Variants in TSC22D1 observed in about 807,000 individuals in gnomAD.
TSC22D1 encodes the protein TSC22 domain family member 1.
A neutral mutation model predicts 74.2 loss-of-function variants in TSC22D1; 9 were observed. That is an observed-to-expected ratio of 0.12 (90% CI 0.07 to 0.21). TSC22D1 has a LOEUF of 0.21. Among genes scored for constraint, TSC22D1 ranks in the 10% least tolerant of loss-of-function variants. The probability of loss-of-function intolerance (pLI) is 1.00; values close to 1 mark genes in which losing one functional copy is unlikely to be tolerated. For synonymous variants in TSC22D1, 586 were observed against 492.5 expected, an observed-to-expected ratio of 1.19 and a Z score of -2.51; for missense variants, 1,427 against 1,304.7, an observed-to-expected ratio of 1.09 and a Z score of -1.44.
chr13:44,565,778 G>C (rs1057077690), intron 1 of TSC22D1, among the ~76,000 whole-genome samples: 6 of 152,018 alleles, frequency 3.9e-5, no homozygotes, highest in Non-Finnish European at 8.8e-5. Flanking sequence ...GGTTGGTCTT[G>C]AACTCCTGAG....
intron 1 of TSC22D1, among the ~76,000 whole-genome samples, chr13:44,488,151 T>G (rs1878531823): frequency 1.3e-5 from 2 of 152,322 alleles, no homozygotes; most frequent in African/African-American, 4.8e-5. Context: ...GTCAGAAGTA[T>G]TTGTTTCAAA....
At chr13:44,568,564 T>C (rs918299856) in intron 1 of TSC22D1, among the ~76,000 whole-genome samples, 2 of 152,184 alleles carry the variant, frequency 1.3e-5, no homozygotes, top group Non-Finnish European at 2.9e-5. Flanking sequence ...CTCAAACTCC[T>C]GGCCTCAAGC....
At chr13:44,513,635 A>G (rs915022026) in intron 1 of TSC22D1, among the ~76,000 whole-genome samples, 3 of 152,250 alleles carry the variant, frequency 2.0e-5, no homozygotes, top group Non-Finnish European at 4.4e-5. Flanking sequence ...AGATCCACTT[A>G]TAAACCCTGG....
intron 1 of TSC22D1, among the ~76,000 whole-genome samples, chr13:44,455,063 G>A (rs1358566990): frequency 5.3e-5 from 8 of 152,108 alleles, no homozygotes; most frequent in Admixed American, 2.0e-4. Context: ...AACTGGGGCT[G>A]AAAAAGTAAA....
chr13:44,537,950 T>C (rs1218846175), intron 1 of TSC22D1: 2 of 985,156 alleles, frequency 2.0e-6, no homozygotes, highest in African/African-American at 3.5e-5. Context: ...CTGGCAGCAT[T>C]AGGTGACTTT....
chr13:44,574,996 T>C lies in TSC22D1; in HGVS notation c.1079A>G (p.Asn360Ser). Reference sequence around the variant, plus strand: ...GCCCATGCCACTCAAGATATTCACATTAACACCACTGGTAACTCCAGGCCC... The same window carrying C: ...GCCCATGCCACTCAAGATATTCACACTAACACCACTGGTAACTCCAGGCCC... ...SVGPGVTSGV[N>S]VNILSGMGNG... The change falls in exon 1 of 3, where the codon AAT becomes AGT. Residue 360 changes from asparagine to serine, a missense_variant. Transcript: ENST00000458659. 1.2e-6 allele frequency: 2 copies of C among 1,614,110 alleles called. No homozygotes were observed. Among genetic ancestry groups the C allele is most frequent in the Non-Finnish European group, 8.5e-7 (1 of 1,180,030 alleles).
At chr13:44,542,064 C>T (rs1338571143) in intron 1 of TSC22D1, among the ~76,000 whole-genome samples, 2 of 151,956 alleles carry the variant, frequency 1.3e-5, no homozygotes, top group Non-Finnish European at 2.9e-5. Flanking sequence ...CTAAGTAAAA[C>T]TTAACTACTT....
intron 1 of TSC22D1, among the ~76,000 whole-genome samples, chr13:44,519,259 CT>C (rs1393530429): frequency 1.3e-5 from 2 of 152,026 alleles, no homozygotes; most frequent in Non-Finnish European, 2.9e-5. Context: ...CTTTCCTTCC[CT>C]TTTTTTCATA....
intron 1 of TSC22D1, among the ~76,000 whole-genome samples, chr13:44,518,024 CTT>C (rs572823671): frequency 5.1e-5 from 7 of 138,578 alleles, no homozygotes; most frequent in Admixed American, 7.3e-5. Context: ...GCCCAGCTAA[CTT>C]TTTTTTTTTT....
chr13:44,463,749 G>GT (rs1279766358), intron 1 of TSC22D1, among the ~76,000 whole-genome samples: 1 of 152,180 alleles, frequency 6.6e-6, no homozygotes, highest in Non-Finnish European at 1.5e-5. Context: ...TCCAATCATG[G>GT]TAATTGTCAA....
chr13:44,498,311 C>CAAAT (rs1879065409), intron 1 of TSC22D1, among the ~76,000 whole-genome samples: 1 of 151,540 alleles, frequency 6.6e-6, no homozygotes, highest in Non-Finnish European at 1.5e-5. Flanking sequence ...AACAAACAAA[C>CAAAT]AAACAAACAA....
At chr13:44,444,311 A>G (rs1293240178) in intron 1 of TSC22D1, among the ~76,000 whole-genome samples, 1 of 129,564 alleles carries the variant, frequency 7.7e-6, no homozygotes, top group Non-Finnish European at 1.8e-5. Context: ...AAAAAAAAGA[A>G]AAGAAAAGAA....
chr13:44,536,663 G>A, intron 1 of TSC22D1: 5 of 868,660 alleles, frequency 5.8e-6, no homozygotes, highest in Non-Finnish European at 6.9e-6. Flanking sequence ...TATTCTGTAA[G>A]AGTTATATTT....
chr13:44,532,173 ACT>A (rs1880874440), intron 1 of TSC22D1, among the ~76,000 whole-genome samples: 1 of 152,220 alleles, frequency 6.6e-6, no homozygotes, highest in African/African-American at 2.4e-5. Flanking sequence ...TGGCTGTAAC[ACT>A]GAGTCAATTT....
At chr13:44,439,756 C>G (rs1244826007) in intron 1 of TSC22D1, among the ~76,000 whole-genome samples, 2 of 152,228 alleles carry the variant, frequency 1.3e-5, no homozygotes, top group African/African-American at 2.4e-5. Flanking sequence ...CCTTTTTACA[C>G]AGATTCCAAT....
chr13:44,486,486 A>G (rs995464265), intron 1 of TSC22D1, among the ~76,000 whole-genome samples: 1 of 152,178 alleles, frequency 6.6e-6, no homozygotes, highest in Non-Finnish European at 1.5e-5. Context: ...TAAACAGACA[A>G]AGAAAAATTT....
chr13:44,567,432 A>G (rs1188302885), intron 1 of TSC22D1, among the ~76,000 whole-genome samples: 1 of 152,192 alleles, frequency 6.6e-6, no homozygotes, highest in Non-Finnish European at 1.5e-5. Flanking sequence ...GAAAGGCTAT[A>G]AGATGAAAGA....
chr13:44,527,866 C>T (rs1348633059), intron 1 of TSC22D1, among the ~76,000 whole-genome samples: 2 of 151,988 alleles, frequency 1.3e-5, no homozygotes, highest in Non-Finnish European at 2.9e-5. Context: ...GACAGATATG[C>T]TATGCTAACA....
intron 1 of TSC22D1, among the ~76,000 whole-genome samples, chr13:44,567,247 T>C (rs557909261): frequency 9.8e-5 from 15 of 152,312 alleles, no homozygotes; most frequent in Admixed American, 7.8e-4. Flanking sequence ...AGCCTTCTTA[T>C]AGGGATCTAA....
Sources: gnomAD v4.1 joint callset for allele counts (sites outside exome capture counted in the v4.1 genomes callset) on GRCh38, gnomAD v4.1.1 for gene constraint, MANE v1.5 for transcripts, NCBI Gene and HGNC (gene_info 2026-07-23, HGNC 2026-07-21) for gene names.